The following CADM2 variants were observed in gnomAD, a reference collection of about 807,000 sequenced individuals.
The protein encoded by CADM2 is cell adhesion molecule 2.
In CADM2, 12 loss-of-function variants were observed where a neutral mutation model predicts 49.8. That is an observed-to-expected ratio of 0.24 (90% CI 0.15 to 0.39). CADM2 has a LOEUF of 0.39. CADM2 is among the 10% of genes least tolerant of loss of function. The probability of loss-of-function intolerance (pLI) is 1.00; values close to 1 mark genes in which losing one functional copy is unlikely to be tolerated. For missense variants in CADM2, 378 were observed against 492.3 expected (o/e 0.77, Z 2.20); for synonymous variants, 214 against 175.4 (o/e 1.22, Z -1.74).
intron 1 of CADM2, among the ~76,000 whole-genome samples, chr3:85,574,418 G>T (rs1240835899): frequency 2.0e-5 from 3 of 152,152 alleles, no homozygotes; most frequent in African/African-American, 7.2e-5. Context: ...AACTTGGTGT[G>T]TTCTCTTCAT....
chr3:85,257,973 G>T (rs2042927394), intron 1 of CADM2, among the ~76,000 whole-genome samples: 1 of 152,042 alleles, frequency 6.6e-6, no homozygotes, highest in Non-Finnish European at 1.5e-5. Flanking sequence ...AAATATGAGT[G>T]ACTCCTCCCA....
chr3:85,164,500 C>G (rs1393066264), intron 1 of CADM2, among the ~76,000 whole-genome samples: 2 of 152,002 alleles, frequency 1.3e-5, no homozygotes, highest in Non-Finnish European at 1.5e-5. Flanking sequence ...AAATTACAAA[C>G]ATCTAAACAG....
chr3:85,791,087 A>G (rs1484544680), intron 2 of CADM2, among the ~76,000 whole-genome samples: 1 of 152,236 alleles, frequency 6.6e-6, no homozygotes, highest in African/African-American at 2.4e-5. Flanking sequence ...ATTTTTAAAA[A>G]TGACTACAGA....
intron 1 of CADM2, among the ~76,000 whole-genome samples, chr3:85,109,634 A>G (rs1173488871): frequency 5.9e-5 from 9 of 152,012 alleles, no homozygotes; most frequent in Non-Finnish European, 1.3e-4. Flanking sequence ...AAGTAAAGAG[A>G]AAAGGATGGT....
At chr3:85,968,705 A>G (rs560921240) in intron 8 of CADM2, among the ~76,000 whole-genome samples, 52 of 151,814 alleles carry the variant, frequency 3.4e-4, no homozygotes, top group African/African-American at 1.2e-3. Flanking sequence ...TTATGTGGAA[A>G]TAAGGCCAGG....
At chr3:85,013,684 A>C (rs1173076320) in intron 1 of CADM2, among the ~76,000 whole-genome samples, 5 of 151,000 alleles carry the variant, frequency 3.3e-5, no homozygotes, top group Non-Finnish European at 7.4e-5. Flanking sequence ...ATGTATTGTT[A>C]CCTGTTGTTG....
At chr3:85,161,819 A>T (rs1313377554) in intron 1 of CADM2, among the ~76,000 whole-genome samples, 3 of 152,044 alleles carry the variant, frequency 2.0e-5, no homozygotes, top group Non-Finnish European at 4.4e-5. Context: ...GGAGTTTGAT[A>T]CTAGTCTGGC....
intron 1 of CADM2, among the ~76,000 whole-genome samples, chr3:85,615,382 G>T (rs1393572627): frequency 1.3e-5 from 2 of 151,906 alleles, no homozygotes; most frequent in East Asian, 3.9e-4. Flanking sequence ...CTAGCCAGTT[G>T]TTTTCCATAT....
intron 1 of CADM2, among the ~76,000 whole-genome samples, chr3:85,061,323 GGC>G (rs776879308): frequency 5.3e-5 from 8 of 152,020 alleles, no homozygotes; most frequent in Non-Finnish European, 1.0e-4. Context: ...TGCAGTCCAT[GGC>G]AAGGATGCAT....
intron 1 of CADM2, among the ~76,000 whole-genome samples, chr3:85,414,157 C>G (rs1324450196): frequency 6.6e-6 from 1 of 152,078 alleles, no homozygotes; most frequent in African/African-American, 2.4e-5. Context: ...ACCACCATGC[C>G]CGGCCTGATG....
chr3:86,035,750 C>T (rs898371595), intron 8 of CADM2, among the ~76,000 whole-genome samples: 2 of 152,036 alleles, frequency 1.3e-5, no homozygotes, highest in African/African-American at 4.8e-5. Context: ...TAAGTCAACC[C>T]AGCAATCTTC....
At chr3:85,059,318 T>TA (rs200486059) in intron 1 of CADM2, among the ~76,000 whole-genome samples, 16,040 of 144,350 alleles carry the variant, frequency 0.11, 1,122 homozygotes, top group Non-Finnish European at 0.17. Context: ...AATAAAAAAA[T>TA]AAAAAAAAAA....
At chr3:84,982,487 T>C (rs1025430416) in intron 1 of CADM2, among the ~76,000 whole-genome samples, 1 of 151,638 alleles carries the variant, frequency 6.6e-6, no homozygotes, top group Non-Finnish European at 1.5e-5. Flanking sequence ...ATTACACGTT[T>C]AGGTTTTTAT....
rs372658021 is a variant in CADM2, at chr3:85,452,561, A to AAAC, written c.62-273943_62-273941dup. Among the ~76,000 whole-genome samples, 500 of 152,148 alleles carry AAAC rather than the reference A, an allele frequency of 3.3e-3. 1 individual carries two copies. The highest frequency in any genetic ancestry group is 0.011 in the African/African-American group (471 of 41,528). On this transcript the variant is annotated intron_variant, in intron 1 of 9. Transcript: ENST00000383699. ...CACACGCTGTTGTATAAGGCAATTAAAACAACAACAACAACAACAAAAAAG... is the reference window on the plus strand; with the variant it reads ...CACACGCTGTTGTATAAGGCAATTAAAACAACAACAACAACAACAACAAAAAAG...
At chr3:85,491,145 AAT>A (rs2039653200) in intron 1 of CADM2, among the ~76,000 whole-genome samples, 1 of 152,180 alleles carries the variant, frequency 6.6e-6, no homozygotes, top group African/African-American at 2.4e-5. Context: ...AGACATGACA[AAT>A]ATGTTTGATG....
intron 1 of CADM2, among the ~76,000 whole-genome samples, chr3:85,613,867 A>G (rs2107460784): frequency 6.6e-6 from 1 of 151,864 alleles, no homozygotes; most frequent in African/African-American, 2.4e-5. Context: ...CTTCCAAGCA[A>G]TGAGCCCTTA....
chr3:85,791,572 G>GAGAA, intron 2 of CADM2, among the ~76,000 whole-genome samples: 1 of 147,802 alleles, frequency 6.8e-6, no homozygotes, highest in South Asian at 2.2e-4. Context: ...GAGAGAGAGA[G>GAGAA]AAAAGAAAGA....
chr3:85,728,986 A>C (rs2107789896), intron 2 of CADM2, among the ~76,000 whole-genome samples: 1 of 152,250 alleles, frequency 6.6e-6, no homozygotes, highest in African/African-American at 2.4e-5. Context: ...GCATAGACAT[A>C]ATATACCTGA....
chr3:85,874,605 C>CA (rs532756078), intron 3 of CADM2, among the ~76,000 whole-genome samples: 15 of 152,010 alleles, frequency 9.9e-5, no homozygotes, highest in Non-Finnish European at 1.9e-4. Flanking sequence ...TGAGGGCTTA[C>CA]AAAAATTGTT....
Sources: gnomAD v4.1 joint callset for allele counts (sites outside exome capture counted in the v4.1 genomes callset) on GRCh38, gnomAD v4.1.1 for gene constraint, MANE v1.5 for transcripts, NCBI Gene and HGNC (gene_info 2026-07-23, HGNC 2026-07-21) for gene names.